CNTN5: variants seen among roughly 807,000 people sequenced by gnomAD.
CNTN5 encodes contactin-5.
Under a neutral mutation model 129.1 loss-of-function variants are expected in CNTN5, and 77 were observed. The observed-to-expected ratio is 0.60, with a 90% confidence interval of 0.50 to 0.72. The LOEUF (loss-of-function observed/expected upper bound fraction) is 0.72. Among genes scored for constraint, CNTN5 ranks in the 30% least tolerant of loss-of-function variants. The pLI is 0.00. For missense variants in CNTN5, 1,478 were observed against 1,328.8 expected (o/e 1.11, Z -1.75); for synonymous variants, 509 against 465.6 (o/e 1.09, Z -1.20).
chr11:99,318,592 G>A (rs1293639766), intron 1 of CNTN5, among the ~76,000 whole-genome samples: 1 of 151,882 alleles, frequency 6.6e-6, no homozygotes, highest in African/African-American at 2.4e-5. Context: ...GCAGAGAGGA[G>A]CATCATCCAA....
intron 1 of CNTN5, among the ~76,000 whole-genome samples, chr11:99,082,387 G>A (rs1283633258): frequency 1.3e-5 from 2 of 152,202 alleles, no homozygotes; most frequent in Non-Finnish European, 2.9e-5. Flanking sequence ...GTTTCACCAT[G>A]TTGGCCAGGG....
chr11:99,624,549 A>T (rs1440519825), intron 3 of CNTN5, among the ~76,000 whole-genome samples: 1 of 152,118 alleles, frequency 6.6e-6, no homozygotes, highest in African/African-American at 2.4e-5. Context: ...AAAAATAACA[A>T]TTTTTGACCA....
At chr11:99,149,407 AAAG>A (rs1357062845) in intron 1 of CNTN5, among the ~76,000 whole-genome samples, 1 of 152,190 alleles carries the variant, frequency 6.6e-6, no homozygotes, top group Non-Finnish European at 1.5e-5. Flanking sequence ...TTTTCAAAGA[AAAG>A]AATCTTTATA....
At chr11:99,666,811 G>A (rs142460035) in intron 3 of CNTN5, among the ~76,000 whole-genome samples, 1 of 152,222 alleles carries the variant, frequency 6.6e-6, no homozygotes, top group African/African-American at 2.4e-5. Flanking sequence ...TCAGAAGGGA[G>A]AGCTGAAAAA....
At chr11:99,796,538 A>T (rs538209564) in intron 3 of CNTN5, among the ~76,000 whole-genome samples, 2 of 152,082 alleles carry the variant, frequency 1.3e-5, no homozygotes, top group Non-Finnish European at 2.9e-5. Context: ...GTCTGCCAGC[A>T]TATGAGCTAT....
At chr11:99,073,104 A>G (rs1865405428) in intron 1 of CNTN5, among the ~76,000 whole-genome samples, 1 of 152,116 alleles carries the variant, frequency 6.6e-6, no homozygotes. Flanking sequence ...ATTCCATAAT[A>G]TGGATTTAGT....
intron 3 of CNTN5, among the ~76,000 whole-genome samples, chr11:99,779,431 G>T (rs1474487778): frequency 1.3e-5 from 2 of 151,936 alleles, no homozygotes; most frequent in Non-Finnish European, 2.9e-5. Flanking sequence ...GAGCCAAATA[G>T]ACTGACAATC....
At chr11:99,504,542 A>G (rs183418435) in intron 2 of CNTN5, among the ~76,000 whole-genome samples, 14,668 of 151,298 alleles carry the variant, frequency 0.097, 971 homozygotes, top group Non-Finnish European at 0.15. Flanking sequence ...AAAAAAAAAA[A>G]AAAAAGAAAG....
At chr11:99,120,563 A>C (rs1858265991) in intron 1 of CNTN5, 1 of 152,196 alleles carries the variant, frequency 6.6e-6, no homozygotes, top group Non-Finnish European at 1.5e-5. Flanking sequence ...TACTTGGATG[A>C]TCTTTAGATG....
chr11:99,301,894 A>G (rs1213464398), intron 1 of CNTN5, among the ~76,000 whole-genome samples: 1 of 151,718 alleles, frequency 6.6e-6, no homozygotes, highest in Non-Finnish European at 1.5e-5. Context: ...TCAAAACACA[A>G]TGTAATTAAA....
intron 18 of CNTN5, among the ~76,000 whole-genome samples, chr11:100,280,722 T>G: frequency 6.6e-6 from 1 of 152,100 alleles, no homozygotes; most frequent in East Asian, 1.9e-4. Context: ...GCCATTTTAT[T>G]ATTTGTTTTC....
chr11:100,078,736 A>G (rs769378413), intron 13 of CNTN5, among the ~76,000 whole-genome samples: 1 of 152,062 alleles, frequency 6.6e-6, no homozygotes, highest in Non-Finnish European at 1.5e-5. Context: ...TATATTGCCT[A>G]GTGTATGACA....
intron 6 of CNTN5, among the ~76,000 whole-genome samples, chr11:99,846,556 A>T (rs1304871149): frequency 6.6e-6 from 1 of 152,022 alleles, no homozygotes; most frequent in African/African-American, 2.4e-5. Context: ...TCTCTAAAAA[A>T]TACTGAGAAA....
intron 16 of CNTN5, among the ~76,000 whole-genome samples, chr11:100,252,412 G>C (rs1024253598): frequency 1.3e-5 from 2 of 152,008 alleles, no homozygotes; most frequent in African/African-American, 4.8e-5. Context: ...GAGCTTTTTA[G>C]TTTGGTATAA....
At chr11:99,243,520 C>CA in intron 1 of CNTN5, among the ~76,000 whole-genome samples, 1 of 151,928 alleles carries the variant, frequency 6.6e-6, no homozygotes, top group South Asian at 2.1e-4. Flanking sequence ...GGGACTGAGC[C>CA]AAAAATTGTT....
intron 1 of CNTN5, among the ~76,000 whole-genome samples, chr11:99,286,458 G>C (rs1333917056): frequency 6.6e-6 from 1 of 152,164 alleles, no homozygotes; most frequent in Non-Finnish European, 1.5e-5. Context: ...TTCCAAGATG[G>C]ATAAGGAGAA....
chr11:99,669,760 C>T (rs569611188), intron 3 of CNTN5, among the ~76,000 whole-genome samples: 85 of 152,228 alleles, frequency 5.6e-4, no homozygotes, highest in African/African-American at 1.9e-3. Flanking sequence ...TTCTGATCTA[C>T]TTCTTTAATG....
At position 99,038,693 on chromosome 11, in the gene CNTN5, A is replaced by G. The variant is rs550525660; in HGVS notation, c.-210+17423A>G. On this transcript the variant is annotated intron_variant, in intron 1 of 24. Transcript: ENST00000524871. ...ACAAATACTTTTCATTTTTTACATC[A>G]TTTATAATTGTCCATAACTTCTACA... Among the ~76,000 whole-genome samples, 84 of 151,674 alleles carry G rather than the reference A, an allele frequency of 5.5e-4. 1 individual carries two copies. Among genetic ancestry groups the G allele is most frequent in the Middle Eastern group, 6.8e-3 (2 of 294 alleles).
intron 3 of CNTN5, among the ~76,000 whole-genome samples, chr11:99,730,380 G>T (rs1305833308): frequency 6.6e-6 from 1 of 152,122 alleles, no homozygotes; most frequent in Admixed American, 6.5e-5. Context: ...AAGAGAAGAC[G>T]GAGAGAATAC....
Sources: gnomAD v4.1 joint callset for allele counts (sites outside exome capture counted in the v4.1 genomes callset) on GRCh38, gnomAD v4.1.1 for gene constraint, MANE v1.5 for transcripts, NCBI Gene and HGNC (gene_info 2026-07-23, HGNC 2026-07-21) for gene names.